PTPRK: variants seen among roughly 807,000 people sequenced by gnomAD.
PTPRK encodes protein tyrosine phosphatase receptor type K, also known as receptor-type tyrosine-protein phosphatase kappa.
PTPRK carries 75 observed loss-of-function variants against 178.0 expected under a neutral mutation model. The observed-to-expected ratio is 0.42, with a 90% CI of 0.35 to 0.51. PTPRK has a LOEUF of 0.51. PTPRK is among the 20% of genes least tolerant of loss of function. The pLI, the probability that PTPRK is intolerant of heterozygous loss-of-function variation, is 0.02. For missense variants in PTPRK, 1,441 were observed against 1,797.8 expected, an observed-to-expected ratio of 0.80 and a Z score of 3.59; for synonymous variants, 637 against 620.6, an observed-to-expected ratio of 1.03 and a Z score of -0.39.
At position 128,067,888 on chromosome 6, in the gene PTPRK, C is replaced by T. The variant is rs559934711; in HGVS notation, c.1884-96G>A. 109 of 1,130,322 alleles carry T rather than the reference C, an allele frequency of 9.6e-5. No homozygotes were observed. In the South Asian group the frequency reaches 2.4e-3, roughly 25 times the overall value. 70.0% of individuals were successfully genotyped at this position (1,130,322 alleles called of 1,614,324 possible). On this transcript the variant is annotated intron_variant, in intron 11 of 29. Coordinates refer to ENST00000368226, the MANE Select transcript of PTPRK (RefSeq NM_002844.4). ...TTTTTTAAGGGGTTGACTATTAACACACCACATTTCAAAGTATTTAAAGTT... is the reference window on the plus strand; with the variant it reads ...TTTTTTAAGGGGTTGACTATTAACATACCACATTTCAAAGTATTTAAAGTT...
intron 7 of PTPRK, among the ~76,000 whole-genome samples, chr6:128,091,910 CAG>C (rs1315131059): frequency 6.6e-6 from 1 of 152,152 alleles, no homozygotes; most frequent in Admixed American, 6.5e-5. Context: ...GTAAAGAAGA[CAG>C]AGTAGCTCTG....
chr6:128,338,251 T>C (rs530054812), intron 2 of PTPRK, among the ~76,000 whole-genome samples: 1 of 152,186 alleles, frequency 6.6e-6, no homozygotes, highest in South Asian at 2.1e-4. Flanking sequence ...GAAAAATGTT[T>C]TTAATTATAG....
intron 7 of PTPRK, among the ~76,000 whole-genome samples, chr6:128,124,650 T>C (rs1047975486): frequency 2.0e-5 from 3 of 152,150 alleles, no homozygotes; most frequent in Non-Finnish European, 2.9e-5. Context: ...GGATGGTTAT[T>C]ATTTTTTTTT....
intron 15 of PTPRK, chr6:128,004,877 T>C (rs1778243025): frequency 2.0e-6 from 1 of 509,442 alleles, no homozygotes. Flanking sequence ...ATAAAATTCA[T>C]AGAGTTTGAA....
intron 6 of PTPRK, among the ~76,000 whole-genome samples, chr6:128,204,711 C>G (rs940670567): frequency 1.3e-5 from 2 of 149,732 alleles, no homozygotes; most frequent in Admixed American, 6.6e-5. Flanking sequence ...ATCAAAACCA[C>G]AAAGAGATAC....
At chr6:128,206,901 T>C (rs1484682879) in intron 6 of PTPRK, among the ~76,000 whole-genome samples, 2 of 152,210 alleles carry the variant, frequency 1.3e-5, no homozygotes, top group Non-Finnish European at 2.9e-5. Context: ...TTACCTTCCA[T>C]ATTAGCATAG....
At chr6:128,101,472 A>G (rs924697802) in intron 7 of PTPRK, among the ~76,000 whole-genome samples, 3 of 152,084 alleles carry the variant, frequency 2.0e-5, no homozygotes, top group African/African-American at 7.2e-5. Context: ...TACTTAATAC[A>G]TCATTTAATA....
chr6:128,220,644 C>T (rs571895093), intron 5 of PTPRK, among the ~76,000 whole-genome samples: 2 of 152,160 alleles, frequency 1.3e-5, no homozygotes, highest in Non-Finnish European at 2.9e-5. Context: ...AATTCTACTT[C>T]TAGGTTTCCA....
chr6:128,456,152 G>A (rs1316567536), intron 1 of PTPRK, among the ~76,000 whole-genome samples: 4 of 151,854 alleles, frequency 2.6e-5, no homozygotes, highest in East Asian at 3.9e-4. Context: ...TGACATCATC[G>A]ATACTCTGAA....
At chr6:128,148,641 A>G (rs922579013) in intron 7 of PTPRK, among the ~76,000 whole-genome samples, 5 of 152,180 alleles carry the variant, frequency 3.3e-5, no homozygotes, top group African/African-American at 1.2e-4. Flanking sequence ...AACAGGTTAC[A>G]GATATACTAT....
chr6:128,078,193 C>A (rs1784175453), intron 11 of PTPRK, among the ~76,000 whole-genome samples: 1 of 151,914 alleles, frequency 6.6e-6, no homozygotes, highest in African/African-American at 2.4e-5. Flanking sequence ...TCAAACTGCA[C>A]AGAGAGGTGA....
intron 2 of PTPRK, among the ~76,000 whole-genome samples, chr6:128,336,670 TCAAA>T (rs968327071): frequency 2.0e-5 from 3 of 152,204 alleles, no homozygotes; most frequent in African/African-American, 4.8e-5. Context: ...AGAATATATC[TCAAA>T]CATTTTCTTC....
Position 128,520,507 on chromosome 6 carries a change from C to G in PTPRK, c.-149G>C. 1 of 696,538 alleles carries G rather than the reference C, an allele frequency of 1.4e-6. No homozygotes were observed. The highest frequency in any genetic ancestry group is 2.4e-6 in the Non-Finnish European group (1 of 409,400). 43.1% of individuals were successfully genotyped at this position (696,538 alleles called of 1,614,324 possible). On this transcript the variant is annotated 5_prime_UTR_variant, in exon 1 of 30. Transcript: ENST00000368226. ...CCCGCCCTTTTTCCTTCTTCGCGGT[C>G]GCCAAACTACCTCAGGGGCGAAAGC...
intron 6 of PTPRK, among the ~76,000 whole-genome samples, chr6:128,215,703 C>T (rs1421298389): frequency 2.6e-5 from 4 of 152,030 alleles, no homozygotes; most frequent in East Asian, 3.9e-4. Context: ...TAAGCATGCC[C>T]TGTCACTTTC....
At chr6:128,242,932 C>T (rs1246942684) in intron 3 of PTPRK, among the ~76,000 whole-genome samples, 1 of 152,094 alleles carries the variant, frequency 6.6e-6, no homozygotes, top group African/African-American at 2.4e-5. Flanking sequence ...TGATTTTTTC[C>T]ATTTTTGTTG....
At chr6:127,979,355 AT>A (rs1774991135) in intron 25 of PTPRK, among the ~76,000 whole-genome samples, 1 of 152,258 alleles carries the variant, frequency 6.6e-6, no homozygotes, top group Non-Finnish European at 1.5e-5. Flanking sequence ...ATGGCAAAAA[AT>A]TCAAAGGCAT....
At chr6:128,321,720 T>C (rs771409354) in intron 3 of PTPRK, 22 of 678,814 alleles carry the variant, frequency 3.2e-5, no homozygotes, top group Non-Finnish European at 4.5e-5. Context: ...TGTCAATAAG[T>C]AGCTCTTTGT....
rs1470006317 is a variant in PTPRK, at chr6:128,067,513, G to A, written c.2157+6C>T. ...AGGGAAAAAGCAAATCCTGGAGGAA[G>A]CTCACCTTCTCCACACTGCTCATCG... On this transcript the variant is annotated splice_donor_region_variant and intron_variant, in intron 12 of 29. Coordinates refer to ENST00000368226, the MANE Select transcript of PTPRK (RefSeq NM_002844.4). The A allele has an allele frequency of 1.4e-5, 20 of 1,472,146 alleles. No homozygotes were observed. Among genetic ancestry groups the A allele is most frequent in the Admixed American group, 2.2e-5 (1 of 45,928 alleles). The allele number at this position is 1,472,146 out of a possible 1,614,324, so 91.2% of individuals were successfully genotyped here.
chr6:128,250,919 G>T (rs73592692), intron 3 of PTPRK, among the ~76,000 whole-genome samples: 8,998 of 152,170 alleles, frequency 0.059, 738 homozygotes, highest in African/African-American at 0.19. Context: ...ATAGACACTG[G>T]CAATTTGGAA....
Sources: gnomAD v4.1 joint callset for allele counts (sites outside exome capture counted in the v4.1 genomes callset) on GRCh38, gnomAD v4.1.1 for gene constraint, MANE v1.5 for transcripts, NCBI Gene and HGNC (gene_info 2026-07-23, HGNC 2026-07-21) for gene names.